EPS15: variants seen among roughly 807,000 people sequenced by gnomAD.
EPS15 encodes the protein epidermal growth factor receptor pathway substrate 15, also known as epidermal growth factor receptor substrate 15.
EPS15 carries 72 observed loss-of-function variants against 113.8 expected under a neutral mutation model. The observed-to-expected ratio is 0.63, with a 90% CI of 0.52 to 0.77. The LOEUF is 0.77. Ranked by LOEUF, EPS15 falls within the 30% of genes least tolerant of loss-of-function variation. EPS15 has a pLI of 0.00. For missense variants in EPS15, 1,048 were observed against 1,045.8 expected (o/e 1.00, Z -0.03); for synonymous variants, 344 against 363.4 (o/e 0.95, Z 0.61).
At chr1:51,432,763 CAG>C (rs780624425) in intron 12 of EPS15, among the ~76,000 whole-genome samples, 1 of 152,124 alleles carries the variant, frequency 6.6e-6, no homozygotes, top group African/African-American at 2.4e-5. Context: ...TCTCCCAAAA[CAG>C]AGGTTTTAAT....
At chr1:51,385,316 AGG>A (rs1647037077) in intron 21 of EPS15, among the ~76,000 whole-genome samples, 1 of 152,212 alleles carries the variant, frequency 6.6e-6, no homozygotes, top group African/African-American at 2.4e-5. Flanking sequence ...ATATAAAAAA[AGG>A]CACTACATAC....
chr1:51,508,231 A>AGG (rs1463202344), intron 1 of EPS15, among the ~76,000 whole-genome samples: 1 of 113,494 alleles, frequency 8.8e-6, no homozygotes, highest in African/African-American at 3.6e-5. Context: ...AAGAAAAGAA[A>AGG]AGAAAAGAAA....
In EPS15 at chr1:51,430,981, C is replaced by T. The variant is rs770032793; in HGVS notation, c.1041-9123G>A. On this transcript the variant is annotated intron_variant, in intron 12 of 24. Transcript: ENST00000371733. Reference sequence around the variant, plus strand: ...CTGAAAAATACATTACTTACATACACACACACACACACACACACACACACA... The same window carrying T: ...CTGAAAAATACATTACTTACATACATACACACACACACACACACACACACA... 8.1e-3 allele frequency among the ~76,000 whole-genome samples: 394 copies of T among 48,476 alleles called. 3 individuals carry two copies. The highest frequency in any genetic ancestry group is 0.042 in the African/African-American group (353 of 8,454). The allele number at this position is 48,476 out of a possible 152,430, so 31.8% of individuals were successfully genotyped here.
At chr1:51,400,712 C>CAAAAAAAAA (rs375748381) in intron 19 of EPS15, among the ~76,000 whole-genome samples, 14 of 60,184 alleles carry the variant, frequency 2.3e-4, no homozygotes, top group African/African-American at 6.5e-4. Flanking sequence ...CAAAAAACAC[C>CAAAAAAAAA]AAAAAAAAAA....
chr1:51,438,559 A>G (rs1256484475), intron 12 of EPS15, among the ~76,000 whole-genome samples: 2 of 152,188 alleles, frequency 1.3e-5, no homozygotes, highest in Admixed American at 1.3e-4. Context: ...ACATTGGTGT[A>G]TGTATCCATT....
At chr1:51,418,941 T>C (rs1332587411) in intron 13 of EPS15, among the ~76,000 whole-genome samples, 2 of 152,174 alleles carry the variant, frequency 1.3e-5, no homozygotes, top group African/African-American at 2.4e-5. Context: ...TATAAAGTTC[T>C]ACTCAAAACT....
intron 1 of EPS15, among the ~76,000 whole-genome samples, chr1:51,498,372 A>T (rs545409030): frequency 1.4e-4 from 21 of 152,334 alleles, no homozygotes; most frequent in African/African-American, 4.8e-4. Flanking sequence ...TTAACTTTAC[A>T]ACAGTACAAA....
intron 15 of EPS15, among the ~76,000 whole-genome samples, chr1:51,407,792 C>T (rs888465645): frequency 4.6e-5 from 7 of 152,154 alleles, no homozygotes; most frequent in African/African-American, 1.4e-4. Context: ...CTCACAGTGG[C>T]CCTAAGGGGT....
rs775196503 is a variant in EPS15 at position 51,400,961 on chromosome 1, A to G, written c.1883-8T>C. On this transcript the variant is annotated splice_polypyrimidine_tract_variant and splice_region_variant and intron_variant, in intron 18 of 24. Transcript: ENST00000371733. ...CATCCTTGAAAGGATCACCTGTGAT[A>G]AAATAAACACAAAGAAATCCAAATA... 1.9e-6 allele frequency: 3 copies of G among 1,572,728 alleles called. No homozygotes were observed. Among genetic ancestry groups the G allele is most frequent in the East Asian group, 2.3e-5 (1 of 43,196 alleles).
chr1:51,497,708 G>A (rs1477016672), intron 1 of EPS15, among the ~76,000 whole-genome samples: 3 of 152,176 alleles, frequency 2.0e-5, no homozygotes, highest in Non-Finnish European at 2.9e-5. Flanking sequence ...GTGAGGTACC[G>A]TGGCTCATGC....
intron 21 of EPS15, among the ~76,000 whole-genome samples, chr1:51,379,751 T>A (rs1646893012): frequency 6.6e-6 from 1 of 151,892 alleles, no homozygotes; most frequent in Admixed American, 6.6e-5. Flanking sequence ...ACCCCATCTC[T>A]ACTAAAAATA....
chr1:51,372,305 G>A (rs150668000), intron 21 of EPS15: 5 of 517,458 alleles, frequency 9.7e-6, no homozygotes, highest in South Asian at 4.3e-5. Context: ...TCCACCTTCC[G>A]GTGCTGCTCA....
At chr1:51,359,002 C>T (rs953541540) in intron 24 of EPS15, among the ~76,000 whole-genome samples, 1 of 151,958 alleles carries the variant, frequency 6.6e-6, no homozygotes, top group East Asian at 1.9e-4. Context: ...CCCCGTCTGG[C>T]CCCAACAAGA....
chr1:51,481,891 T>G (rs888353689), intron 1 of EPS15, among the ~76,000 whole-genome samples: 3 of 152,196 alleles, frequency 2.0e-5, no homozygotes, highest in African/African-American at 7.2e-5. Flanking sequence ...AAGGATCGAC[T>G]GGGTGCAGTG....
chr1:51,379,698 C>T (rs1289538746), intron 21 of EPS15, among the ~76,000 whole-genome samples: 3 of 151,948 alleles, frequency 2.0e-5, no homozygotes, highest in African/African-American at 4.8e-5. Flanking sequence ...GGGTGGATCA[C>T]GTAAGGTCAG....
intron 21 of EPS15, among the ~76,000 whole-genome samples, chr1:51,368,875 T>C (rs1646573726): frequency 6.6e-6 from 1 of 152,156 alleles, no homozygotes; most frequent in East Asian, 1.9e-4. Flanking sequence ...AGTGCTGGGA[T>C]TATAGGCCAC....
At chr1:51,403,336 C>T in intron 17 of EPS15, 83 bp downstream of exon 17, 2 of 711,256 alleles carry the variant, frequency 2.8e-6, no homozygotes, top group Non-Finnish European at 4.9e-6. Flanking sequence ...ATATTGTACC[C>T]ATTAAGTAAT....
At chr1:51,362,658 T>C (rs1192883407) in intron 23 of EPS15, among the ~76,000 whole-genome samples, 3 of 152,160 alleles carry the variant, frequency 2.0e-5, no homozygotes, top group African/African-American at 7.2e-5. Flanking sequence ...TTCAACAGAT[T>C]ATCGGATATT....
rs1022547951 is a variant in EPS15 at position 51,355,867 on chromosome 1, T to A, written c.*833A>T. On this transcript the variant is annotated 3_prime_UTR_variant, in exon 25 of 25. Transcript: ENST00000371733. ...AGAATGGCTGCCATGTTAAGACTTT[T>A]GCTTGCCTTATACTGATGGGTATAT... 2.5e-5 allele frequency: 5 copies of A among 198,502 alleles called. No individual in the cohort carries two copies. The highest frequency in any genetic ancestry group is 1.2e-4 in the African/African-American group (5 of 43,424). The allele number at this position is 198,502 out of a possible 1,614,324, so 12.3% of individuals were successfully genotyped here.
Sources: allele counts gnomAD v4.1 joint callset (sites outside exome capture counted in the v4.1 genomes callset), GRCh38; gene constraint gnomAD v4.1.1; transcripts MANE v1.5; gene names NCBI Gene and HGNC (gene_info 2026-07-23, HGNC 2026-07-21).